C16orf95: variants seen among roughly 807,000 people sequenced by gnomAD.
C16orf95 encodes the protein chromosome 16 open reading frame 95.
In C16orf95, 41 loss-of-function variants were observed where a neutral mutation model predicts 32.1. That is an observed-to-expected ratio of 1.28 (90% CI 1.00 to 1.66). The LOEUF is 1.66. C16orf95 is among the 40% of genes most tolerant of loss of function. The pLI, the probability that C16orf95 is intolerant of heterozygous loss-of-function variation, is 0.00. For synonymous variants in C16orf95, 147 were observed against 128.9 expected (o/e 1.14, Z -0.95); for missense variants, 399 against 325.9 (o/e 1.22, Z -1.73).
rs984208385 is a variant in C16orf95, at chr16:87,302,960, C to A, written c.*97G>T. The A allele has an allele frequency of 8.0e-7, 1 of 1,245,118 alleles. No homozygotes were observed. The highest frequency in any genetic ancestry group is 1.1e-6 in the Non-Finnish European group (1 of 881,562). The allele number at this position is 1,245,118 out of a possible 1,614,324, so 77.1% of individuals were successfully genotyped here. ...TGTGGATTCTGTTCTGAGAAGACAG[C>A]GACTGTCACAGACGCCTCCTGATTG... On this transcript the variant is annotated 3_prime_UTR_variant, in exon 7 of 7. Transcript: ENST00000567970.
At chr16:87,308,869 C>T (rs191873240) in intron 5 of C16orf95, among the ~76,000 whole-genome samples, 162 of 152,314 alleles carry the variant, frequency 1.1e-3, no homozygotes, top group Non-Finnish European at 1.3e-3. Flanking sequence ...ATTTTGCAGT[C>T]AGAATTGTGT....
At chr16:87,307,449 T>G (rs925059366) in intron 5 of C16orf95, among the ~76,000 whole-genome samples, 2 of 141,556 alleles carry the variant, frequency 1.4e-5, no homozygotes, top group African/African-American at 2.6e-5. Context: ...AAAAAGTTTG[T>G]AGAAAATGGA....
chr16:87,305,792 G>A lies in C16orf95; in HGVS notation c.628C>T (p.Pro210Ser), dbSNP rs754605369. 6.6e-7 allele frequency: 1 copy of A among 1,517,964 alleles called. No homozygotes were observed. Among genetic ancestry groups the A allele is most frequent in the South Asian group, 1.2e-5 (1 of 82,696 alleles). The allele number at this position is 1,517,964 out of a possible 1,614,324, so 94.0% of individuals were successfully genotyped here. A position where few individuals can be genotyped will look rare whatever the true frequency, so the allele number is the denominator to read the frequency against. ...QAPYQDQLPAPAARLLPLGLL... is the reference protein window; with the variant it reads ...QAPYQDQLPASAARLLPLGLL... ...CCGAGGGGCAGCAGACGCGCTGCAG[G>A]AGCCGGTAGCTGGTCCTGGTAGGGG... Residue 210 changes from proline (P) to serine (S), a missense_variant, in exon 6 of 7, where the codon CCT becomes TCT. By Grantham distance (74) the Pro-to-Ser change is moderately conservative. Coordinates refer to ENST00000567970, the MANE Select transcript of C16orf95 (RefSeq NM_001195124.3). The surrounding 1 kb of genome is among the most constrained non-coding windows in gnomAD (Gnocchi z 4.2).
chr16:87,316,068 C>A (rs560884637), intron 1 of C16orf95, among the ~76,000 whole-genome samples: 6 of 152,256 alleles, frequency 3.9e-5, no homozygotes, highest in African/African-American at 1.4e-4. Flanking sequence ...CCTGCATTCC[C>A]AAGCCAACCA....
rs192926874 is a variant in C16orf95 at position 87,312,672 on chromosome 16, C to G, written c.331-1376G>C. 1.1e-4 allele frequency among the ~76,000 whole-genome samples: 17 copies of G among 151,930 alleles called. No homozygotes were observed. The East Asian group carries it at 3.1e-3, about 28-fold the overall frequency. On this transcript the variant is annotated intron_variant, in intron 3 of 6. Coordinates refer to ENST00000567970, the MANE Select transcript of C16orf95 (RefSeq NM_001195124.3). ...TCTCCTCTCACTGCTCTCTTCAACA[C>G]TGTACTGAAAGGTCTAGCCAGTGTA...
chr16:87,305,740 G>A lies in C16orf95; in HGVS notation c.680C>T (p.Pro227Leu), dbSNP rs761836002. ...LGLLTLLQAI[P>L]RVIMAIRQCF... ...TCACCGAATGGCCATGATGACCCTC[G>A]GGATGGCCTGGAGGAGGGTCAGGAG... Residue 227 changes from proline (P) to leucine (L), a missense_variant, in exon 6 of 7, where the codon CCG (proline) becomes CTG (leucine). Pro to Leu is a moderately conservative substitution (Grantham distance 98). Coordinates refer to ENST00000567970, the MANE Select transcript of C16orf95 (RefSeq NM_001195124.3). The surrounding 1 kb of genome is among the most constrained non-coding windows in gnomAD (Gnocchi z 4.2). 26 of 1,511,572 alleles carry A rather than the reference G, an allele frequency of 1.7e-5. No individual in the cohort carries two copies. Among genetic ancestry groups the A allele is most frequent in the South Asian group, 1.3e-4 (11 of 82,570 alleles). 93.6% of individuals were successfully genotyped at this position (1,511,572 alleles called of 1,614,324 possible). A position where few individuals can be genotyped will look rare whatever the true frequency, so the allele number is the denominator to read the frequency against.
At chr16:87,315,208 G>A in intron 2 of C16orf95, 112 bp from the exon 3 acceptor site, 2 of 1,141,058 alleles carry the variant, frequency 1.8e-6, no homozygotes, top group Non-Finnish European at 2.4e-6. Context: ...CCGGGGGCAG[G>A]GTCCCCAGCT....
chr16:87,312,353 G>C (rs935870975), intron 3 of C16orf95, among the ~76,000 whole-genome samples: 6 of 152,194 alleles, frequency 3.9e-5, no homozygotes, highest in Non-Finnish European at 2.9e-5. Flanking sequence ...TGGATCACTT[G>C]AGATCAGGTG....
intron 4 of C16orf95, among the ~76,000 whole-genome samples, chr16:87,310,672 G>T (rs1911240939): frequency 6.6e-6 from 1 of 152,164 alleles, no homozygotes; most frequent in South Asian, 2.1e-4. Context: ...GAGCAGAGAG[G>T]ACAGGCCATC....
chr16:87,312,381 C>A (rs373065060), intron 3 of C16orf95, among the ~76,000 whole-genome samples: 5 of 152,208 alleles, frequency 3.3e-5, no homozygotes, highest in South Asian at 2.1e-4. Context: ...CCAGACTAGC[C>A]AACATGGTGA....
At position 87,310,267 on chromosome 16, in the gene C16orf95, T is replaced by C. The variant is rs139547235; in HGVS notation, c.514+30A>G. The C allele has an allele frequency of 1.1e-3, 1,754 of 1,534,134 alleles. 6 individuals carry two copies. The highest frequency in any genetic ancestry group is 1.9e-3 in the Admixed American group (96 of 50,986). On this transcript the variant is annotated intron_variant, in intron 5 of 6. Coordinates refer to ENST00000567970, the MANE Select transcript of C16orf95 (RefSeq NM_001195124.3). Reference sequence around the variant, plus strand: ...AACCCCACCTTTCTGGGGAGGGGGATGATATGAGACACACACACACTGGAG... The same window carrying C: ...AACCCCACCTTTCTGGGGAGGGGGACGATATGAGACACACACACACTGGAG...
At chr16:87,309,948 T>C (rs2150651214) in intron 5 of C16orf95, among the ~76,000 whole-genome samples, 1 of 152,300 alleles carries the variant, frequency 6.6e-6, no homozygotes, top group South Asian at 2.1e-4. Flanking sequence ...ATGTCATAAA[T>C]ATATATACAC....
intron 3 of C16orf95, among the ~76,000 whole-genome samples, chr16:87,312,661 T>G (rs1911338253): frequency 6.6e-6 from 1 of 151,450 alleles, no homozygotes; most frequent in South Asian, 2.1e-4. Flanking sequence ...CTCTCACTGC[T>G]CTCTTCAACA....
Position 87,317,090 on chromosome 16 carries a change from C to T in C16orf95, c.152+1G>A. On this transcript the variant is annotated splice_donor_variant, in intron 1 of 6. Coordinates refer to ENST00000567970, the MANE Select transcript of C16orf95 (RefSeq NM_001195124.3). LOFTEE classifies it high-confidence loss of function. ...GCGGGCAGGATTCAGGACTCACTTG[C>T]CTGCCATCCTGCGCGCTGGGTGTGA... is the stretch of plus-strand genomic sequence containing the variant. 1 of 1,519,764 alleles carries T rather than the reference C, an allele frequency of 6.6e-7. No individual in the cohort carries two copies. The allele number at this position is 1,519,764 out of a possible 1,614,324, so 94.1% of individuals were successfully genotyped here. A position where few individuals can be genotyped will look rare whatever the true frequency, so the allele number is the denominator to read the frequency against.
chr16:87,304,905 A>T (rs949499804), intron 6 of C16orf95, among the ~76,000 whole-genome samples: 2 of 152,256 alleles, frequency 1.3e-5, no homozygotes, highest in African/African-American at 2.4e-5. Context: ...TTGCAATTGC[A>T]TGGAGGAGAC....
intron 4 of C16orf95, 132 bp from the exon 5 acceptor site, chr16:87,310,465 G>C: frequency 1.2e-6 from 1 of 817,176 alleles, no homozygotes; most frequent in Non-Finnish European, 1.9e-6. Context: ...TCCTCCTTAT[G>C]AGGTCTGCGG....
chr16:87,304,978 C>T (rs776642013), intron 6 of C16orf95, among the ~76,000 whole-genome samples: 1 of 152,240 alleles, frequency 6.6e-6, no homozygotes, highest in African/African-American at 2.4e-5. Context: ...CACAGGTCTC[C>T]TCATCCATGC....
intron 5 of C16orf95, among the ~76,000 whole-genome samples, chr16:87,306,353 C>T (rs182217160): frequency 3.9e-5 from 6 of 152,278 alleles, no homozygotes; most frequent in Admixed American, 2.0e-4. Flanking sequence ...GCCACAAGCA[C>T]GGATGGAATT....
intron 3 of C16orf95, among the ~76,000 whole-genome samples, chr16:87,314,668 A>T (rs1267792367): frequency 6.6e-6 from 1 of 152,210 alleles, no homozygotes; most frequent in Non-Finnish European, 1.5e-5. Context: ...ATCACATGCC[A>T]ATCAAACCTC....
Sources: allele counts gnomAD v4.1 joint callset (sites outside exome capture counted in the v4.1 genomes callset), GRCh38; gene constraint gnomAD v4.1.1; non-coding constraint Gnocchi (gnomAD v3.1); transcripts MANE v1.5; gene names NCBI Gene and HGNC (gene_info 2026-07-23, HGNC 2026-07-21).